MYO18B: variants seen among roughly 807,000 people sequenced by gnomAD.
MYO18B encodes the protein unconventional myosin-XVIIIb.
Under a neutral mutation model 273.0 loss-of-function variants are expected in MYO18B, and 204 were observed. The observed-to-expected ratio is 0.75, with a 90% CI of 0.67 to 0.84. The LOEUF is 0.84. Among genes scored for constraint, MYO18B ranks in the 40% least tolerant of loss-of-function variants. The pLI is 0.00. For missense variants in MYO18B, 3,212 were observed against 3,287.6 expected (o/e 0.98, Z 0.56); for synonymous variants, 1,330 against 1,305.7 (o/e 1.02, Z -0.40).
rs367879764 is a variant in MYO18B at position 25,772,446 on chromosome 22, C to T, written c.1805C>T (p.Thr602Ile). Residue 602 changes from threonine to isoleucine, a missense_variant, in exon 7 of 44, where the codon ACC becomes ATC. Thr to Ile is a moderately conservative substitution (Grantham distance 89). Coordinates refer to ENST00000335473, the MANE Select transcript of MYO18B (RefSeq NM_032608.7). ...LQRYKAQLLH[T>I]CTGPDLIVLQ... ...CGCTACAAAGCTCAGCTGCTGCACA[C>T]CTGCACAGGGCCTGATCTGATTGTC... 6.8e-6 allele frequency: 11 copies of T among 1,613,904 alleles called. No homozygotes were observed. The African/African-American group carries it at 1.2e-4, about 18-fold the overall frequency.
At chr22:25,940,712 A>T (rs1303063811) in intron 34 of MYO18B, among the ~76,000 whole-genome samples, 1 of 152,156 alleles carries the variant, frequency 6.6e-6, no homozygotes, top group Non-Finnish European at 1.5e-5. Flanking sequence ...AGCTCATCTC[A>T]TCTTACCCCT....
rs1426442407 is a variant in MYO18B, at chr22:26,027,164, C to T, written c.7190C>T (p.Pro2397Leu). The change falls in exon 43 of 44, where the codon CCA (proline) becomes CTA (leucine). Residue 2397 changes from proline to leucine, a missense_variant. Transcript: ENST00000335473. The surrounding 1 kb of genome is among the most constrained non-coding windows in gnomAD (Gnocchi z 4.1). Reference protein sequence around the residue: ...LESSVDDAGCPDLGKEPLVFQ... With the variant: ...LESSVDDAGCLDLGKEPLVFQ... The stretch of plus-strand genomic sequence containing the variant: ...TCCTCTGTGGACGATGCGGGCTGTC[C>T]AGACCTTGGAAAGGAGCCGCTTGTT... 6.2e-7 allele frequency: 1 copy of T among 1,614,010 alleles called. No homozygotes were observed. Among genetic ancestry groups the T allele is most frequent in the Non-Finnish European group, 8.5e-7 (1 of 1,179,876 alleles).
intron 39 of MYO18B, among the ~76,000 whole-genome samples, chr22:25,967,378 T>A (rs1189791440): frequency 6.6e-6 from 1 of 151,904 alleles, no homozygotes; most frequent in East Asian, 1.9e-4. Context: ...TTGTTACGAT[T>A]TGACATCTTT....
intron 6 of MYO18B, 78 bp from the exon 7 acceptor site, chr22:25,772,256 G>T (rs572097860): frequency 2.1e-6 from 3 of 1,397,450 alleles, no homozygotes; most frequent in South Asian, 1.3e-5. Context: ...GTGTGTGTTT[G>T]GTTGCGGGGG....
chr22:25,798,212 C>T (rs2088016725), intron 12 of MYO18B, 115 bp downstream of exon 12: 2 of 1,318,488 alleles, frequency 1.5e-6, no homozygotes, highest in Non-Finnish European at 2.0e-6. Flanking sequence ...CCTTCTATGT[C>T]TCTGGGACTT....
chr22:25,863,061 GCTGA>G (rs1174199398), intron 21 of MYO18B, among the ~76,000 whole-genome samples: 3 of 151,980 alleles, frequency 2.0e-5, no homozygotes, highest in Admixed American at 6.6e-5. Context: ...TTTCAAGTTT[GCTGA>G]CTCTTTCATT....
intron 1 of MYO18B, among the ~76,000 whole-genome samples, chr22:25,755,518 C>G (rs1461759464): frequency 6.6e-6 from 1 of 152,160 alleles, no homozygotes; most frequent in Non-Finnish European, 1.5e-5. Context: ...TTTCCTGTGC[C>G]TTTGTAAGCT....
the MYO18B span, among the ~76,000 whole-genome samples, chr22:26,050,282 C>T: frequency 9.9e-5 from 15 of 152,146 alleles, no homozygotes; most frequent in African/African-American, 3.4e-4. Context: ...AATTACACAC[C>T]GGAAGTATGT....
chr22:25,898,093 A>T (rs554835111), intron 28 of MYO18B: 1 of 538,160 alleles, frequency 1.9e-6, no homozygotes, highest in Admixed American at 3.6e-5. Flanking sequence ...AGATTGATGG[A>T]ATTATCCCCA....
intron 24 of MYO18B, 74 bp downstream of exon 24, chr22:25,876,406 C>T (rs1211943889): frequency 2.1e-6 from 3 of 1,461,560 alleles, no homozygotes; most frequent in East Asian, 2.4e-5. Context: ...CATCTAGCAC[C>T]CTGTGCCCCT....
intron 7 of MYO18B, among the ~76,000 whole-genome samples, chr22:25,773,774 A>G (rs1363069601): frequency 1.3e-5 from 2 of 152,138 alleles, no homozygotes; most frequent in Non-Finnish European, 2.9e-5. Flanking sequence ...ATTTGTATCT[A>G]TTTTTTATGA....
chr22:26,003,851 A>G (rs550402836), intron 41 of MYO18B, among the ~76,000 whole-genome samples: 4 of 152,200 alleles, frequency 2.6e-5, no homozygotes, highest in Non-Finnish European at 5.9e-5. Context: ...TTAATGCTTT[A>G]TAGAGGCACA....
intron 33 of MYO18B, among the ~76,000 whole-genome samples, chr22:25,915,219 A>T (rs1229060920): frequency 2.6e-5 from 4 of 152,148 alleles, no homozygotes; most frequent in Non-Finnish European, 4.4e-5. Context: ...AGTGTCTTTG[A>T]TAATTACAGT....
intron 39 of MYO18B, among the ~76,000 whole-genome samples, chr22:25,971,076 T>C (rs571172760): frequency 6.6e-6 from 1 of 152,354 alleles, no homozygotes; most frequent in African/African-American, 2.4e-5. Context: ...GACTTTGTAG[T>C]CCATACTGTC....
At chr22:25,828,704 T>A (rs2089587074) in intron 14 of MYO18B, 72 bp from the exon 15 acceptor site, 1 of 1,461,770 alleles carries the variant, frequency 6.8e-7, no homozygotes, top group Non-Finnish European at 9.3e-7. Context: ...CCAGTTCTGC[T>A]GGAGGCTTGG....
chr22:25,952,283 C>T lies in MYO18B; in HGVS notation c.5833-3C>T. 6.2e-7 allele frequency: 1 copy of T among 1,608,672 alleles called. No individual in the cohort carries two copies. Among genetic ancestry groups the T allele is most frequent in the Non-Finnish European group, 8.5e-7 (1 of 1,177,886 alleles). ...GTCCAATAGACTTCTCTCATACTTA[C>T]AGCTGCAGGTGGCTCAGATGCGCAT... On this transcript the variant is annotated splice_region_variant and splice_polypyrimidine_tract_variant and intron_variant, in intron 37 of 43. Transcript: ENST00000335473.
intron 38 of MYO18B, chr22:25,953,542 A>G (rs1292704777): frequency 1.3e-5 from 2 of 152,200 alleles, no homozygotes; most frequent in Non-Finnish European, 2.9e-5. Context: ...TAAGGCTGCT[A>G]TGGATGAAGA....
chr22:25,919,539 A>G (rs952966798), intron 33 of MYO18B, among the ~76,000 whole-genome samples: 2 of 152,216 alleles, frequency 1.3e-5, no homozygotes, highest in African/African-American at 4.8e-5. Flanking sequence ...AATGTAAGCT[A>G]TTACTACATT....
chr22:25,853,288 A>G (rs2090476538), intron 21 of MYO18B, among the ~76,000 whole-genome samples: 1 of 152,240 alleles, frequency 6.6e-6, no homozygotes, highest in African/African-American at 2.4e-5. Flanking sequence ...TGAATGAGTC[A>G]GAAGACTAGA....
Sources: gnomAD v4.1 joint callset for allele counts (sites outside exome capture counted in the v4.1 genomes callset) on GRCh38, gnomAD v4.1.1 for gene constraint, Gnocchi (gnomAD v3.1) non-coding constraint, MANE v1.5 for transcripts, NCBI Gene and HGNC (gene_info 2026-07-23, HGNC 2026-07-21) for gene names.